FAM174B: variants seen among roughly 807,000 people sequenced by gnomAD.
FAM174B encodes family with sequence similarity 174 member B, also known as membrane protein FAM174B.
In FAM174B, 12 loss-of-function variants were observed where a neutral mutation model predicts 10.9. That is an observed-to-expected ratio of 1.10 (90% CI 0.71 to 1.79). The LOEUF (loss-of-function observed/expected upper bound fraction) is 1.79, where lower values mean the gene tolerates loss of function less well. Ranked by LOEUF, FAM174B falls within the 40% of genes most tolerant of loss-of-function variation. The probability of loss-of-function intolerance (pLI) is 0.00; values close to 1 mark genes in which losing one functional copy is unlikely to be tolerated. For synonymous variants in FAM174B, 132 were observed against 115.8 expected (o/e 1.14, Z -0.90); for missense variants, 266 against 233.3 (o/e 1.14, Z -0.91).
chr15:92,650,649 T>G (rs922469406), intron 1 of FAM174B, among the ~76,000 whole-genome samples: 9 of 152,210 alleles, frequency 5.9e-5, no homozygotes, highest in African/African-American at 2.2e-4. Context: ...CAATAAAGTG[T>G]TCTGAGTGAA....
At chr15:92,646,226 C>G (rs2050926425) in intron 1 of FAM174B, among the ~76,000 whole-genome samples, 1 of 152,176 alleles carries the variant, frequency 6.6e-6, no homozygotes, top group Non-Finnish European at 1.5e-5. Context: ...ACCAACATTT[C>G]TAGAGAAGCC....
At chr15:92,621,736 A>C (rs418632) in intron 2 of FAM174B, among the ~76,000 whole-genome samples, 106,471 of 151,496 alleles carry the variant, frequency 0.7, 37,940 homozygotes, top group African/African-American at 0.83. Flanking sequence ...GGCTTTCTTC[A>C]AGTGACCCCC....
intron 2 of FAM174B, 114 bp from the exon 3 acceptor site, chr15:92,619,573 TC>T: frequency 8.1e-7 from 1 of 1,236,100 alleles, no homozygotes; most frequent in Non-Finnish European, 1.1e-6. Flanking sequence ...AAGGCCACAG[TC>T]CCCAGCCACA....
At position 92,618,005 on chromosome 15, in the gene FAM174B, C is replaced by G. The variant is rs1345476813; in HGVS notation, c.*1451G>C. On this transcript the variant is annotated 3_prime_UTR_variant, in exon 3 of 3. Transcript: ENST00000327355. ...CGGAGGCTGCCGAGCTCCCATGCCC[C>G]TTCCCACATATCCCAACTCTTCTCA... The G allele has an allele frequency of 4.1e-5, 13 of 314,306 alleles. No homozygotes were observed. The Admixed American group carries it at 6.5e-4, about 16-fold the overall frequency. The allele number at this position is 314,306 out of a possible 1,614,324, so 19.5% of individuals were successfully genotyped here.
chr15:92,650,519 G>T (rs1288548380), intron 1 of FAM174B, among the ~76,000 whole-genome samples: 4 of 152,214 alleles, frequency 2.6e-5, no homozygotes, highest in African/African-American at 9.6e-5. Flanking sequence ...CCAAGACTGG[G>T]AAAGGATCCC....
chr15:92,638,904 G>A lies in FAM174B; in HGVS notation c.345-8559C>T, dbSNP rs115412790. ...CTCCAGGCACACAGGCCCCTCCTGC[G>A]TCATCCACAGCACTGGGGTGACGGT... On this transcript the variant is annotated intron_variant, in intron 1 of 2. Coordinates refer to ENST00000327355, the MANE Select transcript of FAM174B (RefSeq NM_207446.3). Among the ~76,000 whole-genome samples the A allele has an allele frequency of 8.3e-3, 1,267 of 152,280 alleles. 19 individuals carry two copies. Among genetic ancestry groups the A allele is most frequent in the African/African-American group, 0.029 (1,220 of 41,538 alleles).
At chr15:92,649,948 G>A (rs2050954569) in intron 1 of FAM174B, among the ~76,000 whole-genome samples, 1 of 152,118 alleles carries the variant, frequency 6.6e-6, no homozygotes, top group Non-Finnish European at 1.5e-5. Flanking sequence ...AAGCCTTGGG[G>A]AAGCAATGAG....
At chr15:92,649,840 G>A (rs1291995977) in intron 1 of FAM174B, among the ~76,000 whole-genome samples, 2 of 152,194 alleles carry the variant, frequency 1.3e-5, no homozygotes, top group African/African-American at 4.8e-5. Context: ...GATTTTGGCT[G>A]TATCCGATTT....
rs945038324 is a variant in FAM174B, at chr15:92,655,566, C to A, written c.94G>T (p.Val32Phe). Reference protein sequence around the residue: ...PAARASRAESVSAPWPEPERE... With the variant: ...PAARASRAESFSAPWPEPERE... ...TCGGGTTCGGGCCACGGCGCGGAGACGGACTCGGCTCTGCTGGCGCGGGCG... is the reference window on the plus strand; with the variant it reads ...TCGGGTTCGGGCCACGGCGCGGAGAAGGACTCGGCTCTGCTGGCGCGGGCG... The change falls in exon 1 of 3, where the codon GTC becomes TTC. Residue 32 changes from valine to phenylalanine, a missense_variant. Transcript: ENST00000327355. The A allele has an allele frequency of 7.3e-7, 1 of 1,376,434 alleles. No individual in the cohort carries two copies. Among genetic ancestry groups the A allele is most frequent in the Non-Finnish European group, 9.4e-7 (1 of 1,066,524 alleles). The allele number at this position is 1,376,434 out of a possible 1,614,324, so 85.3% of individuals were successfully genotyped here.
chr15:92,635,865 G>A (rs2050852667), intron 1 of FAM174B, among the ~76,000 whole-genome samples: 1 of 152,124 alleles, frequency 6.6e-6, no homozygotes, highest in African/African-American at 2.4e-5. Flanking sequence ...ACAGGCATGA[G>A]CCACCGCACC....
At chr15:92,638,508 A>C (rs537264562) in intron 1 of FAM174B, among the ~76,000 whole-genome samples, 9 of 152,300 alleles carry the variant, frequency 5.9e-5, no homozygotes, top group Admixed American at 3.3e-4. Flanking sequence ...CGAAGAGAAT[A>C]AAACAGGACT....
intron 1 of FAM174B, chr15:92,653,358 G>A (rs1288664834): frequency 6.6e-6 from 1 of 152,222 alleles, no homozygotes; most frequent in Non-Finnish European, 1.5e-5. Context: ...ATAAACAGCA[G>A]ACTAGCAAAA....
chr15:92,619,682 C>G, intron 2 of FAM174B: 1 of 600,638 alleles, frequency 1.7e-6, no homozygotes, highest in South Asian at 2.1e-5. Flanking sequence ...CCCCAGCTCC[C>G]CACACAGACT....
In FAM174B at chr15:92,624,299, T is replaced by C. The variant is rs189370781; in HGVS notation, c.477-4840A>G. Among the ~76,000 whole-genome samples the C allele has an allele frequency of 5.9e-3, 891 of 152,304 alleles. 8 individuals carry two copies. Among genetic ancestry groups the C allele is most frequent in the Middle Eastern group, 0.014 (4 of 294 alleles). ...GTTCCTTCCAGGCCTTGGAAGCTAA[T>C]GATGCCCATTGTTTCTATACCCACC... On this transcript the variant is annotated intron_variant, in intron 2 of 2. Transcript: ENST00000327355.
chr15:92,652,889 A>T (rs1043170954), intron 1 of FAM174B, among the ~76,000 whole-genome samples: 3 of 152,144 alleles, frequency 2.0e-5, no homozygotes, highest in Non-Finnish European at 4.4e-5. Flanking sequence ...GGAGCGTGGG[A>T]CAGGGGAAAG....
chr15:92,622,939 T>G (rs1317801789), intron 2 of FAM174B, among the ~76,000 whole-genome samples: 1 of 152,084 alleles, frequency 6.6e-6, no homozygotes, highest in Non-Finnish European at 1.5e-5. Flanking sequence ...GCAGATCACT[T>G]GAGGTCAGGA....
In FAM174B at chr15:92,630,193, GCCTCTGTCT is replaced by G; in HGVS notation, c.476+12_476+20del. 6.2e-7 allele frequency: 1 copy of G among 1,610,292 alleles called. No homozygotes were observed. Among genetic ancestry groups the G allele is most frequent in the Non-Finnish European group, 8.5e-7 (1 of 1,177,040 alleles). ...CCCACTGCCCCAAGCCCAGGAGGAA[GCCTCTGTCT>G]CCACCCTGTACCTGTATTTGATGTC... On this transcript the variant is annotated intron_variant, in intron 2 of 2. Coordinates refer to ENST00000327355, the MANE Select transcript of FAM174B (RefSeq NM_207446.3).
At chr15:92,645,822 AT>A (rs1157308017) in intron 1 of FAM174B, among the ~76,000 whole-genome samples, 2 of 152,076 alleles carry the variant, frequency 1.3e-5, no homozygotes, top group Non-Finnish European at 2.9e-5. Flanking sequence ...AGTACCACTT[AT>A]CCCTGCCACC....
At chr15:92,624,386 A>T (rs1195293808) in intron 2 of FAM174B, among the ~76,000 whole-genome samples, 1 of 149,892 alleles carries the variant, frequency 6.7e-6, no homozygotes, top group Non-Finnish European at 1.5e-5. Flanking sequence ...ACCACGAGGA[A>T]GCCTGGGGTG....
Sources: gnomAD v4.1 joint callset for allele counts (sites outside exome capture counted in the v4.1 genomes callset) on GRCh38, gnomAD v4.1.1 for gene constraint, MANE v1.5 for transcripts, NCBI Gene and HGNC (gene_info 2026-07-23, HGNC 2026-07-21) for gene names.